The following RORA variants were observed in gnomAD, a reference collection of about 807,000 sequenced individuals.
The protein encoded by RORA is RAR related orphan receptor A.
In RORA, 7 loss-of-function variants were observed where a neutral mutation model predicts 69.5. The observed-to-expected ratio is 0.10, with a 90% confidence interval of 0.06 to 0.19. The LOEUF is 0.19. Ranked by LOEUF, RORA falls within the 10% of genes least tolerant of loss-of-function variation. RORA has a pLI of 1.00. For missense variants in RORA, 457 were observed against 663.0 expected, an observed-to-expected ratio of 0.69 and a Z score of 3.41; for synonymous variants, 261 against 240.8, an observed-to-expected ratio of 1.08 and a Z score of -0.78.
At chr15:60,509,669 A>G (rs2065628907) in intron 5 of RORA, among the ~76,000 whole-genome samples, 2 of 152,176 alleles carry the variant, frequency 1.3e-5, no homozygotes, top group African/African-American at 2.4e-5. Flanking sequence ...TTTTCATGGT[A>G]TCATGTCAGC....
chr15:60,614,931 C>T, intron 2 of RORA: 1 of 1,613,940 alleles, frequency 6.2e-7, no homozygotes, highest in Middle Eastern at 1.6e-4. Context: ...AGAAGAACTC[C>T]CTTAAATTAA....
At position 60,493,664 on chromosome 15, in the gene RORA, TAGA is replaced by T. The variant is rs1567030307; in HGVS notation, c.*3788_*3790del. 1 of 152,088 alleles carries T rather than the reference TAGA, an allele frequency of 6.6e-6. No individual in the cohort carries two copies. The highest frequency in any genetic ancestry group is 2.4e-5 in the African/African-American group (1 of 41,420). 9.4% of individuals were successfully genotyped at this position (152,088 alleles called of 1,614,324 possible). A position where few individuals can be genotyped will look rare whatever the true frequency, so the allele number is the denominator to read the frequency against. On this transcript the variant is annotated 3_prime_UTR_variant, in exon 11 of 11. Coordinates refer to ENST00000335670, the MANE Select transcript of RORA (RefSeq NM_134261.3). ...GTTTGTTTGTTTGTATTTTTTTTTT[TAGA>T]AAATTACATTACTTTCTTTCTTTGT...
chr15:61,153,746 T>C (rs1269697100), intron 1 of RORA, among the ~76,000 whole-genome samples: 3 of 148,924 alleles, frequency 2.0e-5, no homozygotes, highest in South Asian at 4.3e-4. Flanking sequence ...TGACCTTGTG[T>C]ATTTTGGATT....
At chr15:60,722,860 C>T (rs1010739590) in intron 1 of RORA, among the ~76,000 whole-genome samples, 4 of 152,150 alleles carry the variant, frequency 2.6e-5, no homozygotes, top group African/African-American at 9.7e-5. Context: ...CTTCCCTCTC[C>T]ACGTCTCACA....
At position 60,871,877 on chromosome 15, in the gene RORA, C is replaced by G. The variant is rs534587257; in HGVS notation, c.167-193191G>C. On this transcript the variant is annotated intron_variant, in intron 1 of 10. Coordinates refer to ENST00000335670, the MANE Select transcript of RORA (RefSeq NM_134261.3). Reference sequence around the variant, plus strand: ...TGGACTTCAGTTAATAGTAATGTGCCAATGTTAACTTCTGAGTTTTGGCAA... The same window carrying G: ...TGGACTTCAGTTAATAGTAATGTGCGAATGTTAACTTCTGAGTTTTGGCAA... Among the ~76,000 whole-genome samples the G allele has an allele frequency of 2.0e-5, 3 of 152,270 alleles. No homozygotes were observed. The South Asian group carries it at 6.2e-4, about 32-fold the overall frequency.
Position 60,511,754 on chromosome 15 carries a change from T to C in RORA, c.425-133A>G. ...ACTGCATGACCACAAAATAAGGACA[T>C]ATTCAGAGGTGAAAACAGTTCCAAC... On this transcript the variant is annotated intron_variant, in intron 4 of 10. Coordinates refer to ENST00000335670, the MANE Select transcript of RORA (RefSeq NM_134261.3). This position sits in a 1 kb window ranked among gnomAD's most constrained non-coding sequence, Gnocchi z 6.4. 1 of 949,920 alleles carries C rather than the reference T, an allele frequency of 1.1e-6. No individual in the cohort carries two copies. Among genetic ancestry groups the C allele is most frequent in the Non-Finnish European group, 1.5e-6 (1 of 654,218 alleles). 58.8% of individuals were successfully genotyped at this position (949,920 alleles called of 1,614,324 possible). A position where few individuals can be genotyped will look rare whatever the true frequency, so the allele number is the denominator to read the frequency against.
At chr15:60,793,048 A>G (rs2072440212) in intron 1 of RORA, among the ~76,000 whole-genome samples, 1 of 152,092 alleles carries the variant, frequency 6.6e-6, no homozygotes, top group Non-Finnish European at 1.5e-5. Flanking sequence ...GAGAAAAAAA[A>G]AAAGAGAAAG....
chr15:61,159,992 C>T (rs2079480657), intron 1 of RORA, among the ~76,000 whole-genome samples: 1 of 152,212 alleles, frequency 6.6e-6, no homozygotes, highest in South Asian at 2.1e-4. Flanking sequence ...TAGAAGATGA[C>T]TCATTCCAGT....
At chr15:60,931,349 C>G (rs1031400830) in intron 1 of RORA, among the ~76,000 whole-genome samples, 3 of 152,202 alleles carry the variant, frequency 2.0e-5, no homozygotes, top group African/African-American at 7.2e-5. Context: ...CCCCTCCCTG[C>G]CCAAGCACTC....
At chr15:60,998,481 T>A (rs1894636900) in intron 1 of RORA, among the ~76,000 whole-genome samples, 1 of 152,066 alleles carries the variant, frequency 6.6e-6, no homozygotes. Context: ...CACTGCAACT[T>A]CTGCATCCCA....
intron 1 of RORA, among the ~76,000 whole-genome samples, chr15:60,710,449 T>C (rs758468248): frequency 1.3e-5 from 2 of 151,952 alleles, no homozygotes; most frequent in East Asian, 1.9e-4. Flanking sequence ...GATGGCGCCA[T>C]TGCACTCCAG....
At chr15:61,058,503 C>A (rs553386601) in intron 1 of RORA, among the ~76,000 whole-genome samples, 2 of 152,246 alleles carry the variant, frequency 1.3e-5, no homozygotes, top group East Asian at 3.9e-4. Flanking sequence ...GGTATTAAGG[C>A]CCTGGGTTCA....
chr15:60,674,758 T>G (rs566998205), intron 2 of RORA, among the ~76,000 whole-genome samples: 24 of 152,184 alleles, frequency 1.6e-4, no homozygotes, highest in Non-Finnish European at 2.9e-4. Context: ...TGGGTTTTTA[T>G]TGGGGAAAAT....
chr15:61,187,591 C>T (rs757555583), intron 1 of RORA, among the ~76,000 whole-genome samples: 12 of 152,180 alleles, frequency 7.9e-5, no homozygotes, highest in Non-Finnish European at 8.8e-5. Flanking sequence ...CAGGGAACAG[C>T]GCAGGGCTAC....
chr15:60,871,212 C>T (rs2073551493), intron 1 of RORA, among the ~76,000 whole-genome samples: 1 of 152,180 alleles, frequency 6.6e-6, no homozygotes, highest in Admixed American at 6.5e-5. Flanking sequence ...CCCCAAATTA[C>T]ATTCCTGTTG....
chr15:60,976,691 C>T (rs1893881311), intron 1 of RORA, among the ~76,000 whole-genome samples: 1 of 152,250 alleles, frequency 6.6e-6, no homozygotes, highest in South Asian at 2.1e-4. Flanking sequence ...GAGGAGACCC[C>T]AGACGGGCTC....
intron 1 of RORA, among the ~76,000 whole-genome samples, chr15:61,054,622 C>T (rs1293730563): frequency 3.9e-5 from 6 of 152,166 alleles, no homozygotes; most frequent in Admixed American, 2.0e-4. Context: ...CATTTATTTC[C>T]TATCACTAGT....
chr15:61,029,835 T>A (rs1461301293), intron 1 of RORA, among the ~76,000 whole-genome samples: 1 of 152,062 alleles, frequency 6.6e-6, no homozygotes, highest in African/African-American at 2.4e-5. Context: ...GCCTTTGGTA[T>A]CCAAAAAGGG....
At chr15:60,956,223 T>A (rs1893263768) in intron 1 of RORA, among the ~76,000 whole-genome samples, 1 of 152,244 alleles carries the variant, frequency 6.6e-6, no homozygotes, top group Non-Finnish European at 1.5e-5. Flanking sequence ...AAATTATTAT[T>A]ACAATGACTT....
Sources: allele counts gnomAD v4.1 joint callset (sites outside exome capture counted in the v4.1 genomes callset), GRCh38; gene constraint gnomAD v4.1.1; non-coding constraint Gnocchi (gnomAD v3.1); transcripts MANE v1.5; gene names NCBI Gene and HGNC (gene_info 2026-07-23, HGNC 2026-07-21).